HSD17B12: variants seen among roughly 807,000 people sequenced by gnomAD.
HSD17B12 encodes hydroxysteroid 17-beta dehydrogenase 12.
A neutral mutation model predicts 39.3 loss-of-function variants in HSD17B12; 32 were observed. The ratio of observed to expected loss-of-function variants is 0.81; its 90% CI spans 0.61 to 1.09. HSD17B12 has a LOEUF of 1.09. Ranked by LOEUF, HSD17B12 falls within the 50% of genes least tolerant of loss-of-function variation. The pLI is 0.00. For synonymous variants in HSD17B12, 150 were observed against 146.7 expected (o/e 1.02, Z -0.16); for missense variants, 342 against 382.9 (o/e 0.89, Z 0.89).
chr11:43,854,547 T>A (rs2135153365), intron 9 of HSD17B12, 168 bp from the exon 10 acceptor site: 1 of 629,628 alleles, frequency 1.6e-6, no homozygotes, highest in East Asian at 2.6e-5. Context: ...TTTTATGGTA[T>A]CATGTGTTCT....
intron 1 of HSD17B12, among the ~76,000 whole-genome samples, chr11:43,717,482 T>C (rs1950134638): frequency 6.6e-6 from 1 of 152,202 alleles, no homozygotes. Flanking sequence ...AACTTAGTGA[T>C]TAAAAAAAAT....
chr11:43,844,635 C>A (rs903362514), intron 9 of HSD17B12, among the ~76,000 whole-genome samples: 2 of 152,002 alleles, frequency 1.3e-5, no homozygotes, highest in African/African-American at 4.8e-5. Flanking sequence ...AGGTAGTGGG[C>A]CCTAGCCCTG....
chr11:43,581,517 C>A, the HSD17B12 span: 2 of 470,834 alleles, frequency 4.2e-6, no homozygotes, highest in Non-Finnish European at 9.0e-6. This position sits in a 1 kb window ranked among gnomAD's most constrained non-coding sequence, Gnocchi z 4.9. Flanking sequence ...ATCCAGCGAT[C>A]GCCGAAGCCC....
intron 3 of HSD17B12, among the ~76,000 whole-genome samples, chr11:43,796,352 GA>G (rs1017308065): frequency 1.8e-3 from 258 of 142,348 alleles, no homozygotes; most frequent in Admixed American, 3.0e-3. Flanking sequence ...TCTCTTAAAA[GA>G]AAAAAAAAAA....
intron 6 of HSD17B12, among the ~76,000 whole-genome samples, chr11:43,817,463 A>G (rs978865735): frequency 1.6e-4 from 24 of 152,064 alleles, no homozygotes; most frequent in African/African-American, 5.1e-4. Context: ...TATCTTTTAG[A>G]ATTTTTATAG....
At chr11:43,740,609 A>C (rs1408801023) in intron 1 of HSD17B12, among the ~76,000 whole-genome samples, 3 of 152,182 alleles carry the variant, frequency 2.0e-5, no homozygotes, top group Non-Finnish European at 4.4e-5. Context: ...TTCAACCCTA[A>C]GATTACTTCA....
chr11:43,735,869 GGA>G (rs1244541470), intron 1 of HSD17B12, among the ~76,000 whole-genome samples: 2 of 152,148 alleles, frequency 1.3e-5, no homozygotes, highest in African/African-American at 2.4e-5. Context: ...CCTGGTGGCA[GGA>G]GAGAGAGATC....
At chr11:43,845,470 CTT>C (rs34082325) in intron 9 of HSD17B12, among the ~76,000 whole-genome samples, 95,279 of 151,816 alleles carry the variant, frequency 0.63, 30,454 homozygotes, top group East Asian at 0.71. Flanking sequence ...TGTCCTGTCT[CTT>C]TTATTTCCTT....
rs1371441698 is a variant in HSD17B12, at chr11:43,718,923, C to T, written c.161-31988C>T. 6.8e-6 allele frequency: 7 copies of T among 1,034,244 alleles called. No individual in the cohort carries two copies. The African/African-American group carries it at 7.8e-5, about 12-fold the overall frequency. 64.1% of individuals were successfully genotyped at this position (1,034,244 alleles called of 1,614,324 possible). ...GCTGTCATCAAGTTTCCATTGACCA[C>T]TGAGTCTGCCATGAAGAAGATAGAA... On this transcript the variant is annotated intron_variant, in intron 1 of 10. Coordinates refer to ENST00000278353, the MANE Select transcript of HSD17B12 (RefSeq NM_016142.3).
the HSD17B12 span, among the ~76,000 whole-genome samples, chr11:43,608,106 C>A: frequency 2.0e-5 from 3 of 152,154 alleles, no homozygotes; most frequent in Non-Finnish European, 4.4e-5. Flanking sequence ...CGGTGGCTCA[C>A]GTCTGCAATC....
chr11:43,731,506 C>A (rs767689831), intron 1 of HSD17B12, among the ~76,000 whole-genome samples: 1 of 152,110 alleles, frequency 6.6e-6, no homozygotes, highest in Non-Finnish European at 1.5e-5. Flanking sequence ...TAGTAGACAA[C>A]GATTGTCCTA....
chr11:43,792,863 A>G (rs1038007058), intron 3 of HSD17B12, among the ~76,000 whole-genome samples: 1 of 151,892 alleles, frequency 6.6e-6, no homozygotes, highest in African/African-American at 2.4e-5. Flanking sequence ...TGTCTTATAC[A>G]TACATTTCTT....
intron 3 of HSD17B12, among the ~76,000 whole-genome samples, chr11:43,781,741 G>A (rs558607161): frequency 6.6e-6 from 1 of 152,132 alleles, no homozygotes; most frequent in South Asian, 2.1e-4. Flanking sequence ...TCATTCCCCT[G>A]AATTTTAAAA....
intron 1 of HSD17B12, among the ~76,000 whole-genome samples, chr11:43,700,252 A>G (rs1469243534): frequency 2.6e-5 from 4 of 152,172 alleles, no homozygotes; most frequent in Admixed American, 6.5e-5. Flanking sequence ...CAGTAGGTAT[A>G]TATATTTTTG....
chr11:43,803,533 C>T (rs1157067889), intron 4 of HSD17B12, among the ~76,000 whole-genome samples: 2 of 152,056 alleles, frequency 1.3e-5, no homozygotes, highest in African/African-American at 4.8e-5. Context: ...AATAAATCAC[C>T]AGGGTACACC....
the HSD17B12 span, among the ~76,000 whole-genome samples, chr11:43,598,659 C>G: frequency 6.6e-6 from 1 of 152,150 alleles, no homozygotes; most frequent in Admixed American, 6.5e-5. Flanking sequence ...CCCTCTTCCT[C>G]TCTTAATCCT....
intron 4 of HSD17B12, among the ~76,000 whole-genome samples, chr11:43,804,884 A>G (rs1053581951): frequency 6.6e-6 from 1 of 152,342 alleles, no homozygotes; most frequent in East Asian, 1.9e-4. Flanking sequence ...ATTATTAGCT[A>G]CTTGGGGAAA....
chr11:43,787,404 T>C (rs981055046), intron 3 of HSD17B12, among the ~76,000 whole-genome samples: 3 of 152,110 alleles, frequency 2.0e-5, no homozygotes, highest in Non-Finnish European at 4.4e-5. Flanking sequence ...CTTGACAAAA[T>C]ATTGTTGAAC....
intron 3 of HSD17B12, among the ~76,000 whole-genome samples, chr11:43,781,130 A>G (rs1950761463): frequency 6.6e-6 from 1 of 152,100 alleles, no homozygotes; most frequent in African/African-American, 2.4e-5. Flanking sequence ...GTGACCTATA[A>G]AATTTCCTCT....
Sources: gnomAD v4.1 joint callset for allele counts (sites outside exome capture counted in the v4.1 genomes callset) on GRCh38, gnomAD v4.1.1 for gene constraint, Gnocchi (gnomAD v3.1) non-coding constraint, MANE v1.5 for transcripts, NCBI Gene and HGNC (gene_info 2026-07-23, HGNC 2026-07-21) for gene names.